PEMT: variants seen among roughly 807,000 people sequenced by gnomAD.
PEMT encodes phospholipid methyltransferase.
Under a neutral mutation model 27.4 loss-of-function variants are expected in PEMT, and 23 were observed. The observed-to-expected ratio is 0.84, with a 90% CI of 0.60 to 1.19. PEMT has a LOEUF of 1.19. Among genes scored for constraint, PEMT ranks in the 50% most tolerant of loss-of-function variants. The pLI is 0.00. For missense variants in PEMT, 307 were observed against 310.1 expected (o/e 0.99, Z 0.07); for synonymous variants, 137 against 139.1 (o/e 0.98, Z 0.11).
chr17:17,559,877 G>A (rs1055416453), intron 2 of PEMT, among the ~76,000 whole-genome samples: 4 of 152,230 alleles, frequency 2.6e-5, no homozygotes, highest in African/African-American at 4.8e-5. Flanking sequence ...CTGGAGCCCC[G>A]CTGCACGGCT....
At position 17,578,598 on chromosome 17, in the gene PEMT, A is replaced by T. The variant is rs536984390; in HGVS notation, c.97-1571T>A. The T allele has an allele frequency of 1.1e-4, 17 of 152,312 alleles. No homozygotes were observed. The South Asian group carries it at 2.3e-3, about 20-fold the overall frequency. 9.4% of individuals were successfully genotyped at this position (152,312 alleles called of 1,614,324 possible). ...CTCCACATGCAACTCAAAATTTTTT[A>T]AAAATACTAAATTATAAAATAAGTG... On this transcript the variant is annotated intron_variant, in intron 1 of 6. Transcript: ENST00000255389.
intron 1 of PEMT, among the ~76,000 whole-genome samples, chr17:17,581,779 T>C (rs1911992794): frequency 6.6e-6 from 1 of 152,128 alleles, no homozygotes; most frequent in Non-Finnish European, 1.5e-5. Context: ...TCCGGTCACT[T>C]CAGTCACCTT....
intron 2 of PEMT, among the ~76,000 whole-genome samples, chr17:17,574,267 C>CT (rs397857347): frequency 2.1e-5 from 3 of 145,304 alleles, no homozygotes; most frequent in Non-Finnish European, 4.5e-5. Context: ...AAAAAAAAAC[C>CT]GTATGCCAAA....
intron 1 of PEMT, among the ~76,000 whole-genome samples, chr17:17,577,776 G>A (rs1433113416): frequency 2.0e-5 from 3 of 152,072 alleles, no homozygotes; most frequent in African/African-American, 7.2e-5. Flanking sequence ...CCAGCACTTT[G>A]GGAGGCCGAG....
At chr17:17,515,949 T>C (rs1272673451) in intron 3 of PEMT, among the ~76,000 whole-genome samples, 1 of 151,952 alleles carries the variant, frequency 6.6e-6, no homozygotes, top group Non-Finnish European at 1.5e-5. Flanking sequence ...GGGGTGGAGG[T>C]GGGGAGGGGG....
At position 17,577,310 on chromosome 17, in the gene PEMT, G is replaced by A. The variant is rs1001376764; in HGVS notation, c.97-283C>T. On this transcript the variant is annotated intron_variant, in intron 1 of 6. Transcript: ENST00000255389. ...GGTGCCTGGCACCCTGAAGGGAGGT[G>A]ACACCAACCCTGGTGTGACCGAGAC... 1.2e-4 allele frequency: 59 copies of A among 482,226 alleles called. No homozygotes were observed. The South Asian group carries it at 1.3e-3, about 10-fold the overall frequency. 29.9% of individuals were successfully genotyped at this position (482,226 alleles called of 1,614,324 possible).
At chr17:17,540,253 C>A (rs1441911730) in intron 2 of PEMT, among the ~76,000 whole-genome samples, 3 of 152,212 alleles carry the variant, frequency 2.0e-5, no homozygotes, top group South Asian at 2.1e-4. Context: ...CCTCCCCCGA[C>A]AGAAGACCCC....
intron 3 of PEMT, among the ~76,000 whole-genome samples, chr17:17,516,906 G>A (rs1049225610): frequency 3.3e-5 from 5 of 152,010 alleles, no homozygotes; most frequent in South Asian, 2.1e-4. Context: ...CACCTGCCTC[G>A]AGGAAATCAC....
chr17:17,511,674 T>C (rs1257827468), intron 4 of PEMT, among the ~76,000 whole-genome samples: 4 of 152,306 alleles, frequency 2.6e-5, no homozygotes, highest in African/African-American at 9.6e-5. Flanking sequence ...TTCCCACCCA[T>C]GACGGAGAGC....
intron 2 of PEMT, among the ~76,000 whole-genome samples, chr17:17,530,493 C>CAA (rs202047141): frequency 6.7e-6 from 1 of 148,404 alleles, no homozygotes; most frequent in African/African-American, 2.5e-5. Context: ...ACTCCGTCTC[C>CAA]AAAAAAAAAG....
intron 1 of PEMT, 133 bp downstream of exon 1, chr17:17,591,398 G>T: frequency 3.0e-6 from 1 of 333,626 alleles, no homozygotes; most frequent in Middle Eastern, 9.1e-4. Context: ...CCCCACCCCC[G>T]CCACGCCACG....
intron 2 of PEMT, among the ~76,000 whole-genome samples, chr17:17,555,537 C>G (rs76580580): frequency 0.016 from 2,444 of 152,364 alleles, 26 homozygotes; most frequent in Middle Eastern, 0.037. Context: ...CATGTCCCTA[C>G]CTGGGCAGGG....
At chr17:17,574,669 CCTTCACAATGAA>C (rs1298666976) in intron 2 of PEMT, among the ~76,000 whole-genome samples, 4 of 152,162 alleles carry the variant, frequency 2.6e-5, no homozygotes, top group Admixed American at 6.5e-5. Context: ...CCACTGAGAA[CCTTCACAATGAA>C]CTTCACTTTA....
In PEMT at chr17:17,505,684, G is replaced by A. The variant is rs961980515; in HGVS notation, c.*107C>T. 36 of 1,301,712 alleles carry A rather than the reference G, an allele frequency of 2.8e-5. 1 individual carries two copies. The highest frequency in any genetic ancestry group is 8.8e-5 in the East Asian group (3 of 34,252). 80.6% of individuals were successfully genotyped at this position (1,301,712 alleles called of 1,614,324 possible). On this transcript the variant is annotated 3_prime_UTR_variant, in exon 7 of 7. Transcript: ENST00000255389. ...CCAAGGCACTGGGGCAGCCCACGCCGGGGGCGAGCCCTGAGCAGCAGGCAC... is the reference window on the plus strand; with the variant it reads ...CCAAGGCACTGGGGCAGCCCACGCCAGGGGCGAGCCCTGAGCAGCAGGCAC...
rs189149458 is a variant in PEMT at position 17,524,501 on chromosome 17, C to T, written c.205-2106G>A. ...GGGGGACACTGGGCATGGTGGCTTA[C>T]ACCTCTAATCCCAGCACTTCGGGAG... On this transcript the variant is annotated intron_variant, in intron 2 of 6. Transcript: ENST00000255389. Among the ~76,000 whole-genome samples, 567 of 151,770 alleles carry T rather than the reference C, an allele frequency of 3.7e-3. 2 individuals carry two copies. Among genetic ancestry groups the T allele is most frequent in the Non-Finnish European group, 6.8e-3 (461 of 67,988 alleles).
At chr17:17,532,866 A>C (rs976562282) in intron 2 of PEMT, among the ~76,000 whole-genome samples, 1 of 152,236 alleles carries the variant, frequency 6.6e-6, no homozygotes, top group African/African-American at 2.4e-5. Flanking sequence ...GTCTCTACTG[A>C]AAATACAAAA....
intron 2 of PEMT, among the ~76,000 whole-genome samples, chr17:17,555,017 C>T (rs532489672): frequency 2.6e-5 from 4 of 152,284 alleles, no homozygotes; most frequent in African/African-American, 9.6e-5. Flanking sequence ...GGATGGGCAC[C>T]AGAGTGACCA....
At chr17:17,527,027 T>C (rs1256331691) in intron 2 of PEMT, among the ~76,000 whole-genome samples, 1 of 151,926 alleles carries the variant, frequency 6.6e-6, no homozygotes, top group Non-Finnish European at 1.5e-5. Context: ...CCGCAGAAAG[T>C]CGAGTTTTTT....
chr17:17,577,844 C>T (rs1338926281), intron 1 of PEMT, among the ~76,000 whole-genome samples: 1 of 151,922 alleles, frequency 6.6e-6, no homozygotes, highest in East Asian at 2.0e-4. Flanking sequence ...GGTGAAACCC[C>T]ATCTCTACTA....
Sources: allele counts gnomAD v4.1 joint callset (sites outside exome capture counted in the v4.1 genomes callset), GRCh38; gene constraint gnomAD v4.1.1; transcripts MANE v1.5; gene names NCBI Gene and HGNC (gene_info 2026-07-23, HGNC 2026-07-21).